SDHAF3: variants seen among roughly 807,000 people sequenced by gnomAD.
The protein encoded by SDHAF3 is succinate dehydrogenase assembly factor 3, mitochondrial.
A neutral mutation model predicts 11.5 loss-of-function variants in SDHAF3; 18 were observed. The ratio of observed to expected loss-of-function variants is 1.56; its 90% CI spans 1.08 to 2.32. The LOEUF (loss-of-function observed/expected upper bound fraction) is 2.32. Among genes scored for constraint, SDHAF3 ranks in the 30% most tolerant of loss-of-function variants. SDHAF3 has a pLI of 0.00. For synonymous variants in SDHAF3, 72 were observed against 59.3 expected (o/e 1.21, Z -0.99); for missense variants, 200 against 154.4 (o/e 1.30, Z -1.57).
At chr7:97,149,039 C>T (rs1789177813) in intron 1 of SDHAF3, among the ~76,000 whole-genome samples, 1 of 151,814 alleles carries the variant, frequency 6.6e-6, no homozygotes, top group Non-Finnish European at 1.5e-5. Context: ...AAGTGATCCT[C>T]CCACCTGCGC....
chr7:97,168,881 T>C (rs1330304887), intron 1 of SDHAF3, among the ~76,000 whole-genome samples: 1 of 152,238 alleles, frequency 6.6e-6, no homozygotes, highest in Non-Finnish European at 1.5e-5. Context: ...AGCTATCTTA[T>C]TTGTTTGATA....
intron 1 of SDHAF3, among the ~76,000 whole-genome samples, chr7:97,130,855 G>A (rs1190971162): frequency 6.6e-6 from 1 of 152,234 alleles, no homozygotes; most frequent in Admixed American, 6.5e-5. Flanking sequence ...TATGGGCTCA[G>A]AATGGAGGAG....
chr7:97,151,687 G>C (rs1295517004), intron 1 of SDHAF3, among the ~76,000 whole-genome samples: 2 of 152,032 alleles, frequency 1.3e-5, no homozygotes, highest in African/African-American at 4.8e-5. Context: ...TTTTAGTAGA[G>C]ACGGGGTTTC....
intron 1 of SDHAF3, among the ~76,000 whole-genome samples, chr7:97,155,692 A>G (rs1214490325): frequency 6.6e-6 from 1 of 152,176 alleles, no homozygotes; most frequent in Non-Finnish European, 1.5e-5. Context: ...TATTTGGTGT[A>G]TATACAATAA....
At chr7:97,140,343 A>ATTTTTTTTTTT in intron 1 of SDHAF3, among the ~76,000 whole-genome samples, 1 of 112,452 alleles carries the variant, frequency 8.9e-6, no homozygotes, top group Middle Eastern at 5.9e-3. Flanking sequence ...TTTTGGTAGT[A>ATTTTTTTTTTT]TTTTTTTTTT....
chr7:97,166,611 T>G (rs1329405899), intron 1 of SDHAF3, among the ~76,000 whole-genome samples: 2 of 152,144 alleles, frequency 1.3e-5, no homozygotes, highest in African/African-American at 4.8e-5. Flanking sequence ...TTAATGCTGG[T>G]CAGCTGTGCC....
At chr7:97,159,431 C>T (rs1424721262) in intron 1 of SDHAF3, among the ~76,000 whole-genome samples, 1 of 152,144 alleles carries the variant, frequency 6.6e-6, no homozygotes, top group Non-Finnish European at 1.5e-5. Flanking sequence ...TTGTTTTCCC[C>T]CAATATCCCT....
At chr7:97,175,866 C>T (rs1335311785) in intron 1 of SDHAF3, among the ~76,000 whole-genome samples, 2 of 152,076 alleles carry the variant, frequency 1.3e-5, no homozygotes, top group Admixed American at 6.5e-5. Flanking sequence ...AATAAATTAC[C>T]ACAGCCTGAC....
chr7:97,136,646 G>GT (rs1284176631), intron 1 of SDHAF3, among the ~76,000 whole-genome samples: 3 of 152,120 alleles, frequency 2.0e-5, no homozygotes, highest in Non-Finnish European at 4.4e-5. Flanking sequence ...GTTTTGCAAA[G>GT]TTTAAGAAGT....
intron 1 of SDHAF3, among the ~76,000 whole-genome samples, chr7:97,173,174 C>T (rs1246661767): frequency 6.6e-6 from 1 of 152,198 alleles, no homozygotes. Flanking sequence ...GACTGCACCA[C>T]TACCTGGGAA....
chr7:97,169,298 G>A (rs919180028), intron 1 of SDHAF3, among the ~76,000 whole-genome samples: 116 of 144,568 alleles, frequency 8.0e-4, no homozygotes, highest in African/African-American at 2.8e-3. Flanking sequence ...CAACAAGAGC[G>A]AAACTGTCTC....
intron 1 of SDHAF3, among the ~76,000 whole-genome samples, chr7:97,123,843 G>GT (rs200490106): frequency 7.9e-4 from 114 of 144,002 alleles, no homozygotes; most frequent in Admixed American, 1.9e-3. Flanking sequence ...TTTTGGATGG[G>GT]TTTTTTTTTT....
intron 1 of SDHAF3, among the ~76,000 whole-genome samples, chr7:97,168,683 G>T (rs1378576262): frequency 6.6e-6 from 1 of 152,156 alleles, no homozygotes; most frequent in Non-Finnish European, 1.5e-5. Flanking sequence ...CTAACCGGGG[G>T]TGTAATTGGG....
chr7:97,120,486 CT>C (rs1283039637), intron 1 of SDHAF3, among the ~76,000 whole-genome samples: 1 of 151,912 alleles, frequency 6.6e-6, no homozygotes, highest in Non-Finnish European at 1.5e-5. Flanking sequence ...ACTTCCAAGT[CT>C]TTTTCCCCCC....
intron 1 of SDHAF3, among the ~76,000 whole-genome samples, chr7:97,160,290 C>T (rs568514982): frequency 8.3e-5 from 12 of 145,030 alleles, no homozygotes; most frequent in African/African-American, 1.8e-4. Flanking sequence ...CGCCTCTGCC[C>T]GGCCACCCCA....
intron 1 of SDHAF3, among the ~76,000 whole-genome samples, chr7:97,127,835 C>G (rs1022953421): frequency 6.7e-6 from 1 of 148,186 alleles, no homozygotes; most frequent in Non-Finnish European, 1.5e-5. Context: ...TACTCATTGT[C>G]GGTGTTTTTG....
chr7:97,133,737 C>T (rs1791704519), intron 1 of SDHAF3, among the ~76,000 whole-genome samples: 1 of 152,098 alleles, frequency 6.6e-6, no homozygotes, highest in African/African-American at 2.4e-5. Flanking sequence ...TGGTATTTGC[C>T]TCATTTACAA....
At chr7:97,166,018 A>T (rs1205824642) in intron 1 of SDHAF3, among the ~76,000 whole-genome samples, 1 of 152,208 alleles carries the variant, frequency 6.6e-6, no homozygotes, top group Non-Finnish European at 1.5e-5. Context: ...GCAGGGGTAC[A>T]GGTGTCCTCA....
At chr7:97,131,935 T>G (rs939205474) in intron 1 of SDHAF3, among the ~76,000 whole-genome samples, 3 of 152,166 alleles carry the variant, frequency 2.0e-5, no homozygotes, top group Admixed American at 6.5e-5. Context: ...TATGCAGTTA[T>G]TAGAAATGGT....
Sources: gnomAD v4.1 joint callset for allele counts (sites outside exome capture counted in the v4.1 genomes callset) on GRCh38, gnomAD v4.1.1 for gene constraint, MANE v1.5 for transcripts, NCBI Gene and HGNC (gene_info 2026-07-23, HGNC 2026-07-21) for gene names.